ZMYM2: variants seen among roughly 807,000 people sequenced by gnomAD.
The protein encoded by ZMYM2 is zinc finger MYM-type containing 2, also known as zinc finger MYM-type protein 2.
ZMYM2 carries 56 observed loss-of-function variants against 162.8 expected under a neutral mutation model. The ratio of observed to expected loss-of-function variants is 0.34; its 90% confidence interval spans 0.28 to 0.43. ZMYM2 has a LOEUF of 0.43. Among genes scored for constraint, ZMYM2 ranks in the 20% least tolerant of loss-of-function variants. ZMYM2 has a pLI of 1.00. For missense variants in ZMYM2, 1,275 were observed against 1,621.8 expected, an observed-to-expected ratio of 0.79 and a Z score of 3.67; for synonymous variants, 510 against 541.6, an observed-to-expected ratio of 0.94 and a Z score of 0.81.
chr13:19,985,717 A>G (rs1035780827), intron 2 of ZMYM2, among the ~76,000 whole-genome samples: 1 of 151,674 alleles, frequency 6.6e-6, no homozygotes, highest in Non-Finnish European at 1.5e-5. Context: ...GGAAAAAAAA[A>G]AAGAAAAATT....
At chr13:20,075,814 AG>A (rs1330970831) in intron 21 of ZMYM2, among the ~76,000 whole-genome samples, 3 of 151,092 alleles carry the variant, frequency 2.0e-5, no homozygotes, top group African/African-American at 7.3e-5. Flanking sequence ...CCTCCCAAGT[AG>A]CTGGGATTAC....
At chr13:19,877,070 G>A in the ZMYM2 span, among the ~76,000 whole-genome samples, 7 of 152,246 alleles carry the variant, frequency 4.6e-5, no homozygotes, top group South Asian at 1.4e-3. Context: ...AAATTAGCTG[G>A]GCGCAGTGGC....
chr13:19,935,513 T>C, the ZMYM2 span, among the ~76,000 whole-genome samples: 1 of 152,232 alleles, frequency 6.6e-6, no homozygotes, highest in African/African-American at 2.4e-5. Context: ...ATCACACCAA[T>C]AGTGCAAAAG....
At chr13:20,028,701 A>G (rs1400176943) in intron 9 of ZMYM2, among the ~76,000 whole-genome samples, 3 of 152,146 alleles carry the variant, frequency 2.0e-5, no homozygotes, top group Non-Finnish European at 4.4e-5. Flanking sequence ...GATTACCCTT[A>G]ATATCTAATG....
chr13:20,064,262 G>A (rs1305319222), intron 18 of ZMYM2, among the ~76,000 whole-genome samples, 189 bp from the exon 19 acceptor site: 1 of 151,802 alleles, frequency 6.6e-6, no homozygotes, highest in Non-Finnish European at 1.5e-5. Context: ...ATGTTTTTAG[G>A]AGTTTGAACA....
chr13:20,079,880 A>AT (rs1263122455), intron 21 of ZMYM2, among the ~76,000 whole-genome samples: 6 of 152,178 alleles, frequency 3.9e-5, no homozygotes, highest in Non-Finnish European at 7.3e-5. Context: ...TTTCAGAATC[A>AT]TTTCCCTCAT....
At chr13:20,038,259 C>A (rs1566366116) in intron 12 of ZMYM2, among the ~76,000 whole-genome samples, 1 of 152,120 alleles carries the variant, frequency 6.6e-6, no homozygotes, top group Non-Finnish European at 1.5e-5. Flanking sequence ...CATATGTGTG[C>A]ATGCTTTTTC....
chr13:19,865,000 A>G, the ZMYM2 span: 1 of 152,386 alleles, frequency 6.6e-6, no homozygotes, highest in South Asian at 2.1e-4. Flanking sequence ...AAAGTTGGTG[A>G]AATACTTACC....
At chr13:19,953,682 CAAAAAAAAAAAAAA>C (rs35266783), upstream of ZMYM2, among the ~76,000 whole-genome samples, 1 of 75,282 alleles carries the variant, frequency 1.3e-5, no homozygotes, top group Non-Finnish European at 2.4e-5. Context: ...GACTCTGTCT[CAAAAAAAAAAAAAA>C]AAAAAAAAAA....
At chr13:20,079,433 T>C (rs1042556226) in intron 21 of ZMYM2, among the ~76,000 whole-genome samples, 1 of 150,850 alleles carries the variant, frequency 6.6e-6, no homozygotes, top group Non-Finnish European at 1.5e-5. Flanking sequence ...GCCTATTCTA[T>C]CTATAAGTTG....
At chr13:19,976,412 A>G (rs1445340498) in intron 2 of ZMYM2, among the ~76,000 whole-genome samples, 1 of 151,254 alleles carries the variant, frequency 6.6e-6, no homozygotes, top group African/African-American at 2.4e-5. Context: ...TTTTTATTTT[A>G]AATTGTAAAA....
the ZMYM2 span, among the ~76,000 whole-genome samples, chr13:19,944,871 A>G: frequency 1.1e-4 from 17 of 152,104 alleles, no homozygotes; most frequent in Non-Finnish European, 1.2e-4. Context: ...GGGTTTTGCT[A>G]TATTGGCCAG....
intron 3 of ZMYM2, among the ~76,000 whole-genome samples, chr13:19,999,316 CAT>C (rs1950230402): frequency 6.6e-6 from 1 of 152,190 alleles, no homozygotes; most frequent in African/African-American, 2.4e-5. Flanking sequence ...CTTCCAACAT[CAT>C]GTGGTCACTT....
At chr13:19,933,387 A>G in the ZMYM2 span, among the ~76,000 whole-genome samples, 3 of 152,146 alleles carry the variant, frequency 2.0e-5, no homozygotes, top group African/African-American at 7.2e-5. Context: ...TTAGATACAA[A>G]TATCTGTATA....
chr13:19,980,752 CAAAAAAAAAAAAA>C (rs914320015), intron 2 of ZMYM2, among the ~76,000 whole-genome samples: 5 of 31,224 alleles, frequency 1.6e-4, no homozygotes, highest in African/African-American at 2.8e-4. Flanking sequence ...GACTCCATCT[CAAAAAAAAAAAAA>C]AAAAAAAAAA....
chr13:19,938,510 A>T, the ZMYM2 span, among the ~76,000 whole-genome samples: 1 of 152,182 alleles, frequency 6.6e-6, no homozygotes, highest in Non-Finnish European at 1.5e-5. Flanking sequence ...TAAATAAATA[A>T]GTAAATAAGT....
chr13:19,944,993 A>G, the ZMYM2 span, among the ~76,000 whole-genome samples: 1 of 151,904 alleles, frequency 6.6e-6, no homozygotes, highest in African/African-American at 2.4e-5. Flanking sequence ...TTTGAAGAAA[A>G]CAAATTAAAA....
intron 6 of ZMYM2, among the ~76,000 whole-genome samples, chr13:20,019,008 A>G (rs981833308): frequency 2.7e-5 from 4 of 147,682 alleles, no homozygotes; most frequent in Non-Finnish European, 4.5e-5. Flanking sequence ...TGAACCCAGG[A>G]GGTGGAGGTT....
chr13:20,013,502 C>G (rs1252876216), intron 6 of ZMYM2, among the ~76,000 whole-genome samples: 1 of 152,134 alleles, frequency 6.6e-6, no homozygotes, highest in African/African-American at 2.4e-5. Flanking sequence ...AAGTGGGCGT[C>G]CTTGTTGCTG....
Sources: gnomAD v4.1 joint callset for allele counts (sites outside exome capture counted in the v4.1 genomes callset) on GRCh38, gnomAD v4.1.1 for gene constraint, MANE v1.5 for transcripts, NCBI Gene and HGNC (gene_info 2026-07-23, HGNC 2026-07-21) for gene names.